The following DPP6 variants were observed in gnomAD, a reference collection of about 807,000 sequenced individuals.
DPP6 encodes the protein A-type potassium channel modulatory protein DPP6.
A neutral mutation model predicts 122.6 loss-of-function variants in DPP6; 69 were observed. The observed-to-expected ratio is 0.56, with a 90% CI of 0.46 to 0.69. The LOEUF (loss-of-function observed/expected upper bound fraction) is 0.69, where lower values mean the gene tolerates loss of function less well. Ranked by LOEUF, DPP6 falls within the 30% of genes least tolerant of loss-of-function variation. The pLI, the probability that DPP6 is intolerant of heterozygous loss-of-function variation, is 0.00. For missense variants in DPP6, 928 were observed against 1,116.9 expected (o/e 0.83, Z 2.41); for synonymous variants, 418 against 433.1 (o/e 0.97, Z 0.43).
rs1236917276 is a variant in DPP6 at position 154,455,975 on chromosome 7, A to T, written c.358+9647A>T. ...TGGTGGCCTTAAGGACCATATTTTT[A>T]CAAGCAGCTGGCTCCTATATTAGTT... On this transcript the variant is annotated intron_variant, in intron 2 of 25. Coordinates refer to ENST00000377770, the MANE Select transcript of DPP6 (RefSeq NM_130797.4). 2.0e-5 allele frequency among the ~76,000 whole-genome samples: 3 copies of T among 152,238 alleles called. No individual in the cohort carries two copies. The East Asian group carries it at 5.8e-4, about 29-fold the overall frequency.
chr7:153,950,515 A>G lies in DPP6; in HGVS notation c.51+62781A>G, dbSNP rs376074853. 4.4e-4 allele frequency among the ~76,000 whole-genome samples: 67 copies of G among 152,252 alleles called. No homozygotes were observed. The South Asian group carries it at 0.014, about 31-fold the overall frequency. On this transcript the variant is annotated intron_variant, in intron 1 of 25. Transcript: ENST00000404039. ...TTGTTAGAAATATGTTTGCAGGTGG[A>G]GAAGAGACTGGTGAGAAGTGAGGGT...
chr7:154,838,329 C>T (rs1261125319), intron 16 of DPP6: 1 of 152,170 alleles, frequency 6.6e-6, no homozygotes, highest in Non-Finnish European at 1.5e-5. Flanking sequence ...CAAAAGGAAA[C>T]TTACTGGGAA....
chr7:154,330,699 G>T (rs370890553), intron 1 of DPP6, among the ~76,000 whole-genome samples: 3 of 152,198 alleles, frequency 2.0e-5, no homozygotes, highest in Non-Finnish European at 2.9e-5. Flanking sequence ...GTACTTCTGC[G>T]TGCACGTTGG....
chr7:154,752,702 G>A (rs1381431744), intron 8 of DPP6, among the ~76,000 whole-genome samples: 2 of 152,158 alleles, frequency 1.3e-5, no homozygotes, highest in African/African-American at 2.4e-5. Context: ...TAGCTCTGAC[G>A]TGCCCAAGAG....
chr7:154,252,835 T>C, intron 1 of DPP6, among the ~76,000 whole-genome samples: 1 of 152,248 alleles, frequency 6.6e-6, no homozygotes, highest in East Asian at 1.9e-4. Flanking sequence ...TTGAGATCCA[T>C]CTGTCCCTAG....
intron 1 of DPP6, among the ~76,000 whole-genome samples, chr7:154,261,441 A>C (rs1803012136): frequency 6.6e-6 from 1 of 152,240 alleles, no homozygotes; most frequent in African/African-American, 2.4e-5. Flanking sequence ...AAATTCTAGA[A>C]GATAACATCA....
intron 1 of DPP6, among the ~76,000 whole-genome samples, chr7:153,971,376 A>G (rs1262201496): frequency 6.6e-6 from 1 of 151,246 alleles, no homozygotes; most frequent in Non-Finnish European, 1.5e-5. Context: ...CTGCAAATCA[A>G]GCCAGTTTTA....
intron 7 of DPP6, among the ~76,000 whole-genome samples, chr7:154,711,128 G>C (rs766941436): frequency 2.6e-5 from 4 of 152,214 alleles, no homozygotes; most frequent in Non-Finnish European, 5.9e-5. Flanking sequence ...CCGCTATAAT[G>C]TGTCAATTAA....
intron 1 of DPP6, among the ~76,000 whole-genome samples, chr7:154,254,029 G>C (rs1802509748): frequency 6.6e-6 from 1 of 152,220 alleles, no homozygotes; most frequent in African/African-American, 2.4e-5. Context: ...AAGGAAGTCT[G>C]TCTTGATGAT....
At chr7:154,391,731 T>G (rs1401814045) in intron 1 of DPP6, among the ~76,000 whole-genome samples, 1 of 152,208 alleles carries the variant, frequency 6.6e-6, no homozygotes, top group Non-Finnish European at 1.5e-5. Context: ...TTCTTCCCAA[T>G]GGTGAGGATA....
At position 154,213,337 on chromosome 7, in the gene DPP6, C is replaced by A. The variant is rs1799837164; in HGVS notation, c.243+160274C>A. ...ATATGTATAAACAAAAATCATATAA[C>A]CAGTTTCCTAGAGGTAGTCCAGGCC... On this transcript the variant is annotated intron_variant, in intron 1 of 25. Transcript: ENST00000377770. 2.6e-5 allele frequency among the ~76,000 whole-genome samples: 4 copies of A among 152,290 alleles called. 1 individual carries two copies. The South Asian group carries it at 8.3e-4, about 32-fold the overall frequency.
intron 10 of DPP6, among the ~76,000 whole-genome samples, chr7:154,789,012 G>A (rs948522939): frequency 3.3e-5 from 5 of 151,942 alleles, no homozygotes; most frequent in African/African-American, 1.2e-4. Flanking sequence ...TTTATTTTTA[G>A]TGTGACTTCC....
chr7:153,817,309 G>A, the DPP6 span, among the ~76,000 whole-genome samples: 3 of 146,154 alleles, frequency 2.1e-5, no homozygotes, highest in Admixed American at 1.4e-4. Context: ...TCAGTTCTGT[G>A]GGCATGTGGC....
chr7:153,859,052 G>A, the DPP6 span, among the ~76,000 whole-genome samples: 1 of 152,110 alleles, frequency 6.6e-6, no homozygotes, highest in Non-Finnish European at 1.5e-5. Flanking sequence ...TGAGAATGTG[G>A]CCCATGAAAT....
intron 1 of DPP6, among the ~76,000 whole-genome samples, chr7:154,347,424 T>A (rs1810491484): frequency 6.6e-6 from 1 of 152,196 alleles, no homozygotes; most frequent in Non-Finnish European, 1.5e-5. Flanking sequence ...GCATGAAAAT[T>A]TAGCAACTAA....
chr7:154,507,344 T>C (rs752523430), intron 3 of DPP6, among the ~76,000 whole-genome samples: 12 of 152,180 alleles, frequency 7.9e-5, no homozygotes, highest in Non-Finnish European at 1.2e-4. Flanking sequence ...TAGGTTTACA[T>C]GTGCCATAGT....
Position 154,821,663 on chromosome 7 carries a change from T to TATATAC in DPP6, c.1666+14552_1666+14553insTATACA, listed in dbSNP as rs1799788619. Among the ~76,000 whole-genome samples, 1 of 110,664 alleles carries TATATAC rather than the reference T, an allele frequency of 9.0e-6. No individual in the cohort carries two copies. Among genetic ancestry groups the TATATAC allele is most frequent in the African/African-American group, 4.3e-5 (1 of 23,488 alleles). The allele number at this position is 110,664 out of a possible 152,430, so 72.6% of individuals were successfully genotyped here. On this transcript the variant is annotated intron_variant, in intron 16 of 25. Coordinates refer to ENST00000377770, the MANE Select transcript of DPP6 (RefSeq NM_130797.4). This position sits in a 1 kb window ranked among gnomAD's most constrained non-coding sequence, Gnocchi z 4.2. ...ATATATATACACATATATATATATA[T>TATATAC]ACACATATATATATACACACACATA... is the stretch of plus-strand genomic sequence containing the variant.
At chr7:154,127,528 A>G (rs1166357213) in intron 1 of DPP6, among the ~76,000 whole-genome samples, 2 of 151,316 alleles carry the variant, frequency 1.3e-5, no homozygotes, top group Non-Finnish European at 2.9e-5. Context: ...CCAGCCCAGG[A>G]CTGCTATCTG....
At chr7:154,594,587 A>G (rs960841768) in intron 5 of DPP6, among the ~76,000 whole-genome samples, 2 of 152,142 alleles carry the variant, frequency 1.3e-5, no homozygotes, top group East Asian at 3.9e-4. Context: ...ATTGTTTGCC[A>G]TCTAATCATA....
Sources: allele counts gnomAD v4.1 joint callset (sites outside exome capture counted in the v4.1 genomes callset), GRCh38; gene constraint gnomAD v4.1.1; non-coding constraint Gnocchi (gnomAD v3.1); transcripts MANE v1.5; gene names NCBI Gene and HGNC (gene_info 2026-07-23, HGNC 2026-07-21).